The following MAN2A1 variants were observed in gnomAD, a reference collection of about 807,000 sequenced individuals.
The protein encoded by MAN2A1 is mannosidase alpha class 2A member 1.
MAN2A1 carries 76 observed loss-of-function variants against 142.6 expected under a neutral mutation model. That is an observed-to-expected ratio of 0.53 (90% confidence interval 0.44 to 0.65). The LOEUF (loss-of-function observed/expected upper bound fraction) is 0.65, where lower values mean the gene tolerates loss of function less well. MAN2A1 is among the 30% of genes least tolerant of loss of function. The pLI is 0.00. For missense variants in MAN2A1, 1,311 were observed against 1,365.1 expected (o/e 0.96, Z 0.62); for synonymous variants, 559 against 473.2 (o/e 1.18, Z -2.35).
At chr5:109,695,130 C>G (rs1750777222) in intron 1 of MAN2A1, among the ~76,000 whole-genome samples, 1 of 152,216 alleles carries the variant, frequency 6.6e-6, no homozygotes, top group African/African-American at 2.4e-5. Flanking sequence ...CAGCATTTTT[C>G]ACTAAGACCC....
chr5:109,832,751 C>T (rs185992056), intron 16 of MAN2A1, among the ~76,000 whole-genome samples: 12,907 of 150,566 alleles, frequency 0.086, 653 homozygotes, highest in African/African-American at 0.15. Context: ...CCGGATGGGG[C>T]GGCTGGCCGG....
At chr5:109,842,711 A>G (rs1415508803) in intron 17 of MAN2A1, among the ~76,000 whole-genome samples, 2 of 151,900 alleles carry the variant, frequency 1.3e-5, no homozygotes, top group Non-Finnish European at 2.9e-5. Flanking sequence ...GGTGACCACT[A>G]TGAATGTTAA....
At chr5:109,695,136 G>T (rs1027009237) in intron 1 of MAN2A1, among the ~76,000 whole-genome samples, 2 of 152,184 alleles carry the variant, frequency 1.3e-5, no homozygotes, top group South Asian at 4.1e-4. Flanking sequence ...TTTTCACTAA[G>T]ACCCAAACTT....
At position 109,770,506 on chromosome 5, in the gene MAN2A1, C is replaced by T. The variant is rs753323721; in HGVS notation, c.1161C>T (p.Pro387=). The part of the protein sequence containing the change: ...GGRFGCPWGV[P]PETIHPGNVQ... ...GATTTGGTTGTCCCTGGGGAGTCCC[C>T]CCAGAAACAATACATCCTGGAAATG... Residue 387 remains proline (P), a synonymous_variant, in exon 7 of 22, where the codon CCC becomes CCT. Transcript: ENST00000261483. 1.2e-6 allele frequency: 2 copies of T among 1,613,710 alleles called. No individual in the cohort carries two copies. The highest frequency in any genetic ancestry group is 1.7e-6 in the Non-Finnish European group (2 of 1,179,872).
At chr5:109,816,182 A>G (rs1332144795) in intron 12 of MAN2A1, among the ~76,000 whole-genome samples, 1 of 152,188 alleles carries the variant, frequency 6.6e-6, no homozygotes, top group African/African-American at 2.4e-5. Context: ...GAACATCAGA[A>G]CTGGGAGAGG....
At chr5:109,785,925 A>T (rs1310566654) in intron 10 of MAN2A1, among the ~76,000 whole-genome samples, 1 of 152,172 alleles carries the variant, frequency 6.6e-6, no homozygotes, top group East Asian at 1.9e-4. Context: ...TATACAACAC[A>T]TAAAATCAAT....
At chr5:109,757,251 A>T (rs973713280) in intron 5 of MAN2A1, among the ~76,000 whole-genome samples, 2 of 152,112 alleles carry the variant, frequency 1.3e-5, no homozygotes, top group Admixed American at 1.3e-4. Flanking sequence ...TAAATACTTG[A>T]TATGCTAACC....
chr5:109,825,667 C>T (rs1248542258), intron 16 of MAN2A1, among the ~76,000 whole-genome samples: 1 of 152,058 alleles, frequency 6.6e-6, no homozygotes, highest in African/African-American at 2.4e-5. Flanking sequence ...GAGCAAACTA[C>T]ACTCATCAGA....
At chr5:109,819,220 C>T (rs1429640153) in intron 13 of MAN2A1, among the ~76,000 whole-genome samples, 1 of 152,138 alleles carries the variant, frequency 6.6e-6, no homozygotes, top group Non-Finnish European at 1.5e-5. Flanking sequence ...GTTCTGAGTA[C>T]ATGAAAGGTA....
At chr5:109,769,192 C>T (rs958082451) in intron 6 of MAN2A1, among the ~76,000 whole-genome samples, 2 of 152,012 alleles carry the variant, frequency 1.3e-5, no homozygotes, top group South Asian at 2.1e-4. Flanking sequence ...TACAGTGTCA[C>T]CGTTGTGAAT....
chr5:109,717,313 T>C (rs1211336664), intron 3 of MAN2A1, among the ~76,000 whole-genome samples: 4 of 152,214 alleles, frequency 2.6e-5, no homozygotes, highest in African/African-American at 4.8e-5. Context: ...ACTTTAGGTC[T>C]GGACACATGA....
chr5:109,693,951 A>G (rs1309575099), intron 1 of MAN2A1, among the ~76,000 whole-genome samples: 1 of 152,252 alleles, frequency 6.6e-6, no homozygotes, highest in Non-Finnish European at 1.5e-5. Context: ...ACTTGGAAGA[A>G]TTTGAGCAGA....
intron 1 of MAN2A1, among the ~76,000 whole-genome samples, chr5:109,691,765 C>T (rs1235596139): frequency 1.3e-5 from 2 of 152,090 alleles, no homozygotes; most frequent in Non-Finnish European, 2.9e-5. Context: ...AGAGATGTAT[C>T]AAAATTTTAA....
chr5:109,801,874 C>T (rs575918642), intron 12 of MAN2A1, among the ~76,000 whole-genome samples: 4 of 152,014 alleles, frequency 2.6e-5, no homozygotes, highest in Non-Finnish European at 5.9e-5. Context: ...AAGAAAAGCT[C>T]ATAAAATAAG....
intron 1 of MAN2A1, among the ~76,000 whole-genome samples, chr5:109,700,771 C>G (rs1750957475): frequency 6.6e-6 from 1 of 152,146 alleles, no homozygotes; most frequent in Non-Finnish European, 1.5e-5. Context: ...GCAATTTGCC[C>G]AGTCACAGGA....
Position 109,823,815 on chromosome 5 carries a change from A to G in MAN2A1, c.2544A>G (p.Arg848=). The G allele has an allele frequency of 6.3e-7, 1 of 1,590,452 alleles. No homozygotes were observed. The highest frequency in any genetic ancestry group is 1.1e-5 in the South Asian group (1 of 87,878). The change falls in exon 16 of 22, where the codon AGA becomes AGG. Residue 848 remains arginine, a synonymous_variant. Coordinates refer to ENST00000261483, the MANE Select transcript of MAN2A1 (RefSeq NM_002372.4). Reference sequence around the variant, plus strand: ...GCTTTTTTGACCATGTTACTCATAGAGTCCGACTATACCACATACAGGGTA... The same window carrying G: ...GCTTTTTTGACCATGTTACTCATAGGGTCCGACTATACCACATACAGGGTA... The part of the protein sequence containing the change: ...VTCFFDHVTH[R]VRLYHIQGIE...
intron 5 of MAN2A1, among the ~76,000 whole-genome samples, chr5:109,765,392 TTGTC>T (rs1429882866): frequency 3.9e-5 from 6 of 152,268 alleles, no homozygotes; most frequent in Admixed American, 2.0e-4. Flanking sequence ...ATCTACCTGT[TTGTC>T]TGTCTAGTTA....
chr5:109,699,886 T>C (rs1451602415), intron 1 of MAN2A1: 1 of 152,238 alleles, frequency 6.6e-6, no homozygotes, highest in African/African-American at 2.4e-5. Flanking sequence ...AACCAGTACA[T>C]AGTGTTTTCA....
intron 5 of MAN2A1, among the ~76,000 whole-genome samples, chr5:109,766,576 G>A (rs1037687724): frequency 1.3e-5 from 2 of 151,988 alleles, no homozygotes; most frequent in Non-Finnish European, 2.9e-5. Context: ...GTTACTTTGT[G>A]TTACACTTAT....
Sources: allele counts gnomAD v4.1 joint callset (sites outside exome capture counted in the v4.1 genomes callset), GRCh38; gene constraint gnomAD v4.1.1; transcripts MANE v1.5; gene names NCBI Gene and HGNC (gene_info 2026-07-23, HGNC 2026-07-21).